The following SLC6A5 variants were observed in gnomAD, a reference collection of about 807,000 sequenced individuals.
SLC6A5 encodes the protein sodium- and chloride-dependent glycine transporter 2.
Under a neutral mutation model 90.5 loss-of-function variants are expected in SLC6A5, and 58 were observed. That is an observed-to-expected ratio of 0.64 (90% confidence interval 0.52 to 0.80). The LOEUF (loss-of-function observed/expected upper bound fraction) is 0.80. Ranked by LOEUF, SLC6A5 falls within the 30% of genes least tolerant of loss-of-function variation. The probability of loss-of-function intolerance (pLI) is 0.00; values close to 1 mark genes in which losing one functional copy is unlikely to be tolerated. For synonymous variants in SLC6A5, 427 were observed against 401.4 expected, an observed-to-expected ratio of 1.06 and a Z score of -0.76; for missense variants, 1,015 against 1,017.6, an observed-to-expected ratio of 1.00 and a Z score of 0.03.
At position 20,658,557 on chromosome 11, in the gene SLC6A5, A is replaced by G. The variant is rs1381029586; in HGVS notation, c.*3689A>G. The G allele has an allele frequency of 6.6e-6, 1 of 152,130 alleles. No individual in the cohort carries two copies. Among genetic ancestry groups the G allele is most frequent in the Non-Finnish European group, 1.5e-5 (1 of 68,036 alleles). The allele number at this position is 152,130 out of a possible 1,614,324, so 9.4% of individuals were successfully genotyped here. On this transcript the variant is annotated 3_prime_UTR_variant, in exon 16 of 16. Coordinates refer to ENST00000525748, the MANE Select transcript of SLC6A5 (RefSeq NM_004211.5). ...CTGCCTTGATACTCATTTCCCCACA[A>G]AGTGGCCCTAGGATTTGTGAAAGTG...
At chr11:20,629,988 G>T (rs1853077395) in intron 9 of SLC6A5, among the ~76,000 whole-genome samples, 1 of 152,156 alleles carries the variant, frequency 6.6e-6, no homozygotes, top group African/African-American at 2.4e-5. Flanking sequence ...CTCCCAAAGT[G>T]CCGGGATTAC....
At chr11:20,627,943 T>C in intron 8 of SLC6A5, 37 bp from the exon 9 acceptor site, 1 of 1,537,980 alleles carries the variant, frequency 6.5e-7, no homozygotes, top group Non-Finnish European at 9.0e-7. Flanking sequence ...CCAGTCTCCT[T>C]CATGGGTCTT....
At position 20,601,605 on chromosome 11, in the gene SLC6A5, G is replaced by T. The variant is rs1362467332; in HGVS notation, c.480G>T (p.Val160=). 5.6e-6 allele frequency: 9 copies of T among 1,614,010 alleles called. No homozygotes were observed. In the Admixed American group the frequency reaches 1.3e-4, roughly 24 times the overall value. ...TGAACATGAGCCAGAGCACCGTGGT[G>T]CTGGCCACGGATGGAATCACGTCCG... ...GWVNMSQSTV[V]LATDGITSVL... Residue 160 remains valine (V), a synonymous_variant, in exon 2 of 16, where the codon GTG becomes GTT. Coordinates refer to ENST00000525748, the MANE Select transcript of SLC6A5 (RefSeq NM_004211.5).
At chr11:20,652,487 TC>T (rs775808027) in intron 15 of SLC6A5, 31 bp downstream of exon 15, 22 of 1,596,286 alleles carry the variant, frequency 1.4e-5, no homozygotes, top group Non-Finnish European at 1.8e-5. Context: ...CCCTCCCAAT[TC>T]CTCCCAAGGG....
At position 20,633,517 on chromosome 11, in the gene SLC6A5, T is replaced by C. The variant is rs150906273; in HGVS notation, c.1624+2702T>C. Among the ~76,000 whole-genome samples, 15 of 152,288 alleles carry C rather than the reference T, an allele frequency of 9.8e-5. No individual in the cohort carries two copies. In the East Asian group the frequency reaches 2.9e-3, roughly 29 times the overall value. On this transcript the variant is annotated intron_variant, in intron 10 of 15. Transcript: ENST00000525748. ...CAGAGTGGCTACCCAAGCTGTGCCA[T>C]GGGCCTTGATGCATTGCACTGACCA...
intron 3 of SLC6A5, 92 bp from the exon 4 acceptor site, chr11:20,606,915 G>C (rs1398606739): frequency 6.5e-7 from 1 of 1,537,268 alleles, no homozygotes; most frequent in African/African-American, 1.4e-5. Context: ...TTAGTTCTTT[G>C]AGAGGGAGCT....
At chr11:20,623,155 T>G (rs895791784) in intron 7 of SLC6A5, among the ~76,000 whole-genome samples, 1 of 152,148 alleles carries the variant, frequency 6.6e-6, no homozygotes, top group Non-Finnish European at 1.5e-5. Flanking sequence ...TGCTGTTCTG[T>G]GGTGCAGGAA....
At chr11:20,647,124 T>G (rs1853431356) in intron 14 of SLC6A5, among the ~76,000 whole-genome samples, 190 bp downstream of exon 14, 1 of 151,390 alleles carries the variant, frequency 6.6e-6, no homozygotes, top group Admixed American at 6.6e-5. Context: ...TGCCTAAAGG[T>G]GCCTAGCAGG....
At chr11:20,614,467 C>A (rs371835129) in intron 5 of SLC6A5, among the ~76,000 whole-genome samples, 2 of 152,214 alleles carry the variant, frequency 1.3e-5, no homozygotes, top group African/African-American at 4.8e-5. Context: ...GTACAAGGTG[C>A]AGTTGTGGGG....
intron 5 of SLC6A5, among the ~76,000 whole-genome samples, chr11:20,610,831 T>A (rs375772093): frequency 6.6e-6 from 1 of 152,182 alleles, no homozygotes; most frequent in African/African-American, 2.4e-5. Context: ...TTGTTGCAGC[T>A]GGGTGGGCTC....
At position 20,600,335 on chromosome 11, in the gene SLC6A5, G is replaced by GGAAGAAGAAGAA. The variant is rs55891826; in HGVS notation, c.3+726_4-717dup. 3.6e-3 allele frequency among the ~76,000 whole-genome samples: 318 copies of GGAAGAAGAAGAA among 87,922 alleles called. 12 individuals carry two copies. The highest frequency in any genetic ancestry group is 7.3e-3 in the South Asian group (15 of 2,050). 57.7% of individuals were successfully genotyped at this position (87,922 alleles called of 152,430 possible). ...AATAGTTACGCAAAAAAGAAGAAGA[G>GGAAGAAGAAGAA]GAAGAAGAAGAAGAAGAAGAAGAAG... is the stretch of plus-strand genomic sequence containing the variant. On this transcript the variant is annotated intron_variant, in intron 1 of 15. Coordinates refer to ENST00000525748, the MANE Select transcript of SLC6A5 (RefSeq NM_004211.5).
In SLC6A5 at chr11:20,653,625, T is replaced by A. The variant is rs555655843; in HGVS notation, c.2239-1088T>A. Reference sequence around the variant, plus strand: ...ATTGGACTAACGGTAGAGACAGAATTAGCAAAAGGAGGTGTAGGAATCTTT... The same window carrying A: ...ATTGGACTAACGGTAGAGACAGAATAAGCAAAAGGAGGTGTAGGAATCTTT... On this transcript the variant is annotated intron_variant, in intron 15 of 15. Transcript: ENST00000525748. Among the ~76,000 whole-genome samples, 6 of 152,290 alleles carry A rather than the reference T, an allele frequency of 3.9e-5. 1 individual carries two copies. The South Asian group carries it at 1.2e-3, about 32-fold the overall frequency.
chr11:20,650,737 G>T (rs1391518253), intron 14 of SLC6A5, among the ~76,000 whole-genome samples: 2 of 141,930 alleles, frequency 1.4e-5, no homozygotes, highest in Admixed American at 7.8e-5. Context: ...CGCGATCTCG[G>T]CTCACTGCAA....
At chr11:20,633,112 G>A (rs191987935) in intron 10 of SLC6A5, among the ~76,000 whole-genome samples, 14 of 152,110 alleles carry the variant, frequency 9.2e-5, no homozygotes, top group African/African-American at 2.9e-4. Flanking sequence ...GAGCCATCTC[G>A]CCACCATATG....
intron 14 of SLC6A5, among the ~76,000 whole-genome samples, chr11:20,648,960 C>G (rs1853473902): frequency 6.6e-6 from 1 of 152,090 alleles, no homozygotes; most frequent in African/African-American, 2.4e-5. Flanking sequence ...GAACTTGCCC[C>G]AGGCCACTAG....
chr11:20,627,933 C>T (rs1277740007), intron 8 of SLC6A5, 47 bp from the exon 9 acceptor site: 1 of 1,453,452 alleles, frequency 6.9e-7, no homozygotes. Context: ...TCCCCTGGCG[C>T]CAGTCTCCTT....
rs143768686 is a variant in SLC6A5 at position 20,623,922 on chromosome 11, C to T, written c.1261-2786C>T. On this transcript the variant is annotated intron_variant, in intron 7 of 15. Coordinates refer to ENST00000525748, the MANE Select transcript of SLC6A5 (RefSeq NM_004211.5). ...AGCTCTAATTTTTCATTTTTTCAAT[C>T]CACATATCACCTTCTAATATGCCAC... 4.7e-3 allele frequency among the ~76,000 whole-genome samples: 720 copies of T among 152,158 alleles called. 11 individuals carry two copies. Among genetic ancestry groups the T allele is most frequent in the African/African-American group, 0.017 (694 of 41,504 alleles).
At chr11:20,644,215 T>A (rs1219527203) in intron 13 of SLC6A5, among the ~76,000 whole-genome samples, 1 of 152,192 alleles carries the variant, frequency 6.6e-6, no homozygotes, top group Non-Finnish European at 1.5e-5. Context: ...AAACACTGTA[T>A]CCTTGACAAA....
chr11:20,652,186 A>G (rs1853546154), intron 14 of SLC6A5, 103 bp from the exon 15 acceptor site: 1 of 1,054,092 alleles, frequency 9.5e-7, no homozygotes, highest in Non-Finnish European at 1.5e-6. Flanking sequence ...GTATAGAATA[A>G]TAGAGACGAA....
Sources: allele counts gnomAD v4.1 joint callset (sites outside exome capture counted in the v4.1 genomes callset), GRCh38; gene constraint gnomAD v4.1.1; transcripts MANE v1.5; gene names NCBI Gene and HGNC (gene_info 2026-07-23, HGNC 2026-07-21).